Variants in PPP1R9A observed in about 807,000 individuals in gnomAD.
The protein encoded by PPP1R9A is protein phosphatase 1 regulatory subunit 9A.
PPP1R9A carries 59 observed loss-of-function variants against 141.9 expected under a neutral mutation model. The ratio of observed to expected loss-of-function variants is 0.42; its 90% CI spans 0.34 to 0.52. The LOEUF (loss-of-function observed/expected upper bound fraction) is 0.52. Among genes scored for constraint, PPP1R9A ranks in the 20% least tolerant of loss-of-function variants. The probability of loss-of-function intolerance (pLI) is 0.10; values close to 1 mark genes in which losing one functional copy is unlikely to be tolerated. For missense variants in PPP1R9A, 1,444 were observed against 1,611.9 expected (o/e 0.90, Z 1.78); for synonymous variants, 500 against 569.7 (o/e 0.88, Z 1.74).
intron 8 of PPP1R9A, among the ~76,000 whole-genome samples, chr7:95,237,543 C>G (rs1186409607): frequency 6.6e-6 from 1 of 151,972 alleles, no homozygotes; most frequent in African/African-American, 2.4e-5. Flanking sequence ...CACATATACA[C>G]ATTTTTTCTG....
intron 2 of PPP1R9A, among the ~76,000 whole-genome samples, chr7:95,095,777 G>A (rs2152369165): frequency 6.6e-6 from 1 of 152,274 alleles, no homozygotes; most frequent in African/African-American, 2.4e-5. Flanking sequence ...CTAATCTTAG[G>A]TTTACAAGCT....
In PPP1R9A at chr7:95,291,060, A is replaced by T. The variant is rs1806288139; in HGVS notation, c.*757A>T. On this transcript the variant is annotated 3_prime_UTR_variant, in exon 20 of 20. Coordinates refer to ENST00000433360, the MANE Select transcript of PPP1R9A (RefSeq NM_001166160.2). ...ATACGGCTGAACAAGAAAGAAAAAA[A>T]TCAGACATTAATGCAGCCATGGGAT... 6.6e-6 allele frequency: 1 copy of T among 152,234 alleles called. No individual in the cohort carries two copies. The highest frequency in any genetic ancestry group is 1.5e-5 in the Non-Finnish European group (1 of 68,068). The allele number at this position is 152,234 out of a possible 1,614,324, so 9.4% of individuals were successfully genotyped here.
intron 2 of PPP1R9A, among the ~76,000 whole-genome samples, chr7:95,091,884 A>C (rs188626003): frequency 6.7e-6 from 1 of 148,486 alleles, no homozygotes; most frequent in East Asian, 2.0e-4. Flanking sequence ...ATGGTTTTTT[A>C]ATTCATGGAC....
At chr7:95,019,723 G>T (rs143875384) in intron 2 of PPP1R9A, among the ~76,000 whole-genome samples, 29 of 152,258 alleles carry the variant, frequency 1.9e-4, no homozygotes, top group African/African-American at 6.5e-4. Flanking sequence ...CATCCATTAG[G>T]ATGGCAAGCA....
intron 2 of PPP1R9A, among the ~76,000 whole-genome samples, chr7:95,022,532 A>G (rs1482389152): frequency 6.6e-6 from 1 of 152,172 alleles, no homozygotes; most frequent in Non-Finnish European, 1.5e-5. Flanking sequence ...AGTAGTGGTA[A>G]GAGAGGGCAT....
At chr7:94,963,132 C>A (rs1563053660) in intron 2 of PPP1R9A, among the ~76,000 whole-genome samples, 1 of 151,894 alleles carries the variant, frequency 6.6e-6, no homozygotes, top group Non-Finnish European at 1.5e-5. Context: ...ACAAACAATT[C>A]TCAAAATATT....
intron 4 of PPP1R9A, among the ~76,000 whole-genome samples, chr7:95,131,871 G>A (rs1019799230): frequency 2.0e-5 from 3 of 151,972 alleles, no homozygotes; most frequent in Non-Finnish European, 2.9e-5. Context: ...TCTTTTAGTA[G>A]TGTTTTATAG....
chr7:95,111,440 T>G, intron 3 of PPP1R9A, 49 bp downstream of exon 3: 1 of 1,504,228 alleles, frequency 6.6e-7, no homozygotes, highest in Non-Finnish European at 9.0e-7. Flanking sequence ...ATGTTAATAA[T>G]ACAGAATTAT....
chr7:95,116,483 G>A (rs1255453834), intron 3 of PPP1R9A, among the ~76,000 whole-genome samples: 3 of 152,024 alleles, frequency 2.0e-5, no homozygotes, highest in Non-Finnish European at 4.4e-5. Context: ...TTTATTTACA[G>A]TAGCACCAAA....
intron 2 of PPP1R9A, among the ~76,000 whole-genome samples, chr7:95,019,097 C>T (rs893870361): frequency 1.3e-5 from 2 of 152,110 alleles, no homozygotes; most frequent in African/African-American, 4.8e-5. Context: ...TAAAACCATA[C>T]TACTTAGAAA....
At chr7:95,193,202 G>A (rs1835763794) in intron 5 of PPP1R9A, among the ~76,000 whole-genome samples, 1 of 151,980 alleles carries the variant, frequency 6.6e-6, no homozygotes, top group Non-Finnish European at 1.5e-5. Context: ...TAAATTTATT[G>A]GATTACAAAG....
At chr7:95,259,527 T>C (rs991191696) in intron 12 of PPP1R9A, among the ~76,000 whole-genome samples, 4 of 152,140 alleles carry the variant, frequency 2.6e-5, no homozygotes, top group African/African-American at 9.7e-5. Flanking sequence ...CAAGAAATCA[T>C]TTCCTTTGTC....
chr7:95,152,044 C>G (rs1828792016), intron 4 of PPP1R9A, among the ~76,000 whole-genome samples: 1 of 147,586 alleles, frequency 6.8e-6, no homozygotes, highest in Non-Finnish European at 1.5e-5. Flanking sequence ...CTCCACCTCC[C>G]AGGTTCAAGC....
At chr7:95,100,271 A>C (rs543211295) in intron 2 of PPP1R9A, among the ~76,000 whole-genome samples, 1 of 152,022 alleles carries the variant, frequency 6.6e-6, no homozygotes, top group Non-Finnish European at 1.5e-5. Context: ...AATAATAATA[A>C]ATAATTTAAA....
intron 2 of PPP1R9A, chr7:95,037,088 G>A (rs1160005850): frequency 6.6e-6 from 1 of 152,090 alleles, no homozygotes; most frequent in Non-Finnish European, 1.5e-5. Flanking sequence ...TTCGCATATT[G>A]TCTGGGATTT....
At chr7:95,212,003 A>T (rs1446547505) in intron 7 of PPP1R9A, among the ~76,000 whole-genome samples, 7 of 151,970 alleles carry the variant, frequency 4.6e-5, no homozygotes, top group Non-Finnish European at 1.0e-4. Context: ...TCAATCAATT[A>T]AAAAAAAGTT....
intron 2 of PPP1R9A, among the ~76,000 whole-genome samples, chr7:95,081,419 G>A (rs1355974206): frequency 6.6e-6 from 1 of 152,150 alleles, no homozygotes; most frequent in Non-Finnish European, 1.5e-5. Context: ...ATTAGGAAGA[G>A]ATATGGAAAC....
intron 2 of PPP1R9A, among the ~76,000 whole-genome samples, chr7:94,967,405 G>A (rs888035406): frequency 6.6e-6 from 1 of 151,948 alleles, no homozygotes; most frequent in African/African-American, 2.4e-5. Context: ...TAATTGTGAT[G>A]TTAGAGTATC....
chr7:94,935,844 G>A (rs1328623966), intron 2 of PPP1R9A, among the ~76,000 whole-genome samples: 2 of 152,150 alleles, frequency 1.3e-5, no homozygotes, highest in Non-Finnish European at 2.9e-5. Flanking sequence ...GGAAACCAGA[G>A]ATTGCGGATT....
Sources: gnomAD v4.1 joint callset for allele counts (sites outside exome capture counted in the v4.1 genomes callset) on GRCh38, gnomAD v4.1.1 for gene constraint, MANE v1.5 for transcripts, NCBI Gene and HGNC (gene_info 2026-07-23, HGNC 2026-07-21) for gene names.